Variants in INPP4A observed in about 807,000 individuals in gnomAD.
INPP4A encodes inositol polyphosphate-4-phosphatase, type I, 107kD.
In INPP4A, 33 loss-of-function variants were observed where a neutral mutation model predicts 119.8. The observed-to-expected ratio is 0.28, with a 90% CI of 0.21 to 0.37. The LOEUF (loss-of-function observed/expected upper bound fraction) is 0.37, where lower values mean the gene tolerates loss of function less well. Ranked by LOEUF, INPP4A falls within the 10% of genes least tolerant of loss-of-function variation. INPP4A has a pLI of 1.00. For missense variants in INPP4A, 956 were observed against 1,289.9 expected (o/e 0.74, Z 3.97); for synonymous variants, 496 against 500.7 (o/e 0.99, Z 0.12).
intron 11 of INPP4A, among the ~76,000 whole-genome samples, chr2:98,545,630 T>C (rs1692339340): frequency 6.6e-6 from 1 of 152,216 alleles, no homozygotes; most frequent in Admixed American, 6.5e-5. Flanking sequence ...GACATTGTGC[T>C]GCACAGAATC....
intron 1 of INPP4A, among the ~76,000 whole-genome samples, chr2:98,461,686 T>C (rs1024745635): frequency 4.6e-5 from 7 of 152,256 alleles, no homozygotes; most frequent in Non-Finnish European, 7.3e-5. Context: ...TGGGTTTTTT[T>C]CTGAAGTTAT....
chr2:98,587,647 G>A lies in INPP4A; in HGVS notation c.*39G>A, dbSNP rs749126610. 6.5e-7 allele frequency: 1 copy of A among 1,533,928 alleles called. No homozygotes were observed. Among genetic ancestry groups the A allele is most frequent in the South Asian group, 1.2e-5 (1 of 80,500 alleles). On this transcript the variant is annotated 3_prime_UTR_variant, in exon 25 of 25. Transcript: ENST00000409851. Reference sequence around the variant, plus strand: ...TCTAATTAGCTGTTACATAATAAATGTGGGTACCCTCTAGTGTCATATATG... The same window carrying A: ...TCTAATTAGCTGTTACATAATAAATATGGGTACCCTCTAGTGTCATATATG...
At position 98,518,980 on chromosome 2, in the gene INPP4A, T is replaced by C. The variant is rs1686668293; in HGVS notation, c.-149T>C. The C allele has an allele frequency of 6.6e-6, 1 of 152,230 alleles. No individual in the cohort carries two copies. Among genetic ancestry groups the C allele is most frequent in the African/African-American group, 2.4e-5 (1 of 41,470 alleles). 9.4% of individuals were successfully genotyped at this position (152,230 alleles called of 1,614,324 possible). A position where few individuals can be genotyped will look rare whatever the true frequency, so the allele number is the denominator to read the frequency against. ...TATTTTTAGATGATGGATTTGGACA[T>C]GCTTCTATGAAGAAATGCCACATGG... On this transcript the variant is annotated 5_prime_UTR_variant, in exon 2 of 25. An upstream start codon of the reference 5' UTR is lost. Coordinates refer to ENST00000409851, the MANE Select transcript of INPP4A (RefSeq NM_001134225.2).
chr2:98,530,883 A>G (rs1316895534), intron 4 of INPP4A, among the ~76,000 whole-genome samples: 1 of 152,256 alleles, frequency 6.6e-6, no homozygotes, highest in Non-Finnish European at 1.5e-5. Context: ...GACTTAAAAA[A>G]TAGAAATTTA....
intron 1 of INPP4A, among the ~76,000 whole-genome samples, chr2:98,503,804 C>T (rs771291030): frequency 2.6e-5 from 4 of 152,218 alleles, no homozygotes; most frequent in Admixed American, 6.5e-5. Context: ...GCAGGCAGGG[C>T]TCCTGTCTTC....
chr2:98,581,246 G>A (rs528682937), intron 24 of INPP4A, among the ~76,000 whole-genome samples: 2 of 152,196 alleles, frequency 1.3e-5, no homozygotes, highest in Non-Finnish European at 2.9e-5. Context: ...TTGGCCAGCC[G>A]AGAGAGTGAA....
At chr2:98,580,852 G>T (rs1699195565) in intron 24 of INPP4A, among the ~76,000 whole-genome samples, 1 of 152,210 alleles carries the variant, frequency 6.6e-6, no homozygotes, top group Admixed American at 6.5e-5. Context: ...TCTCACCTCA[G>T]TGCAGTTCTT....
At chr2:98,527,300 A>T (rs1688364734) in intron 4 of INPP4A, among the ~76,000 whole-genome samples, 1 of 152,166 alleles carries the variant, frequency 6.6e-6, no homozygotes, top group Admixed American at 6.5e-5. Context: ...AAAACCCTAC[A>T]TCCTGTACCT....
intron 23 of INPP4A, among the ~76,000 whole-genome samples, chr2:98,573,301 G>A (rs556793393): frequency 3.7e-4 from 56 of 152,270 alleles, no homozygotes; most frequent in Non-Finnish European, 4.9e-4. Context: ...CATCTTTATC[G>A]TCCATTGTGC....
At chr2:98,555,292 G>A (rs1694246521) in intron 15 of INPP4A, among the ~76,000 whole-genome samples, 1 of 152,182 alleles carries the variant, frequency 6.6e-6, no homozygotes, top group Non-Finnish European at 1.5e-5. Flanking sequence ...AGCACTGGAG[G>A]GCCACCTGGC....
At chr2:98,545,643 A>AT (rs1692343250) in intron 11 of INPP4A, among the ~76,000 whole-genome samples, 1 of 152,240 alleles carries the variant, frequency 6.6e-6, no homozygotes, top group Middle Eastern at 3.4e-3. Context: ...ACAGAATCAC[A>AT]TTTTTTGTAT....
intron 6 of INPP4A, 53 bp from the exon 7 acceptor site, chr2:98,536,076 A>G (rs1690218579): frequency 1.7e-6 from 2 of 1,171,226 alleles, no homozygotes; most frequent in Non-Finnish European, 1.3e-6. Context: ...TGGTAATTGC[A>G]TCAGAAGCAA....
intron 1 of INPP4A, among the ~76,000 whole-genome samples, chr2:98,458,178 A>G (rs902777646): frequency 2.0e-5 from 3 of 152,052 alleles, no homozygotes; most frequent in Non-Finnish European, 4.4e-5. Context: ...CATCTTTACT[A>G]AAAATTAAAA....
chr2:98,457,298 T>C (rs1238993451), intron 1 of INPP4A, among the ~76,000 whole-genome samples: 2 of 152,206 alleles, frequency 1.3e-5, no homozygotes, highest in Non-Finnish European at 2.9e-5. Flanking sequence ...CTGGTGAGGC[T>C]GTATTCTCTA....
intron 1 of INPP4A, among the ~76,000 whole-genome samples, chr2:98,490,454 C>T (rs752829066): frequency 1.3e-5 from 2 of 152,028 alleles, no homozygotes; most frequent in African/African-American, 2.4e-5. Context: ...CATCCCTCAG[C>T]GGTCTCCTCC....
Position 98,539,632 on chromosome 2 carries a change from C to T in INPP4A, c.775C>T (p.Pro259Ser). 1 of 1,610,528 alleles carries T rather than the reference C, an allele frequency of 6.2e-7. No individual in the cohort carries two copies. The highest frequency in any genetic ancestry group is 8.5e-7 in the Non-Finnish European group (1 of 1,178,428). The part of the protein sequence containing the change: ...MAESVLSLHV[P>S]RQFVKLLLEE... Reference sequence around the variant, plus strand: ...AGAGAGCGTGCTCTCCCTGCACGTGCCCCGGCAGTTCGTGAAGCTCCTACT... The same window carrying T: ...AGAGAGCGTGCTCTCCCTGCACGTGTCCCGGCAGTTCGTGAAGCTCCTACT... Residue 259 changes from proline (P) to serine (S), a missense_variant, in exon 10 of 25, where the codon CCC becomes TCC. Physicochemically the swap from Pro to Ser is moderately conservative, Grantham distance 74. Around this residue, in one of 2 missense-constraint regions of INPP4A, gnomAD observed 652 missense variants for 797.9 expected, o/e 0.82. Coordinates refer to ENST00000409851, the MANE Select transcript of INPP4A (RefSeq NM_001134225.2).
Position 98,546,966 on chromosome 2 carries a change from TATGTAGAC to T in INPP4A, c.1163+273_1163+280del, listed in dbSNP as rs1692588158. On this transcript the variant is annotated intron_variant, in intron 13 of 24. Transcript: ENST00000409851. This position sits in a 1 kb window ranked among gnomAD's most constrained non-coding sequence, Gnocchi z 4.2. ...GAAGTGGTGCTCCAGGCAACCGCCC[TATGTAGAC>T]TCTGCTGGCTTGGCATCCTTTAGAG... is the stretch of plus-strand genomic sequence containing the variant. Among the ~76,000 whole-genome samples the T allele has an allele frequency of 6.6e-6, 1 of 152,190 alleles. No homozygotes were observed. Among genetic ancestry groups the T allele is most frequent in the Non-Finnish European group, 1.5e-5 (1 of 68,044 alleles).
At chr2:98,525,801 A>G (rs181851844) in intron 4 of INPP4A, among the ~76,000 whole-genome samples, 2 of 152,368 alleles carry the variant, frequency 1.3e-5, no homozygotes, top group East Asian at 1.9e-4. Context: ...AAACACATCT[A>G]TTAGAATGGG....
At chr2:98,473,593 A>G (rs1676606957) in intron 1 of INPP4A, among the ~76,000 whole-genome samples, 1 of 152,026 alleles carries the variant, frequency 6.6e-6, no homozygotes, top group Admixed American at 6.6e-5. Context: ...ACTGGCCATG[A>G]TGGGTTACAA....
Sources: gnomAD v4.1 joint callset for allele counts (sites outside exome capture counted in the v4.1 genomes callset) on GRCh38, gnomAD v4.1.1 for gene constraint, gnomAD v4.1.1 regional missense constraint, Gnocchi (gnomAD v3.1) non-coding constraint, MANE v1.5 for transcripts, NCBI Gene and HGNC (gene_info 2026-07-23, HGNC 2026-07-21) for gene names.